Variants in HNF4G observed in about 807,000 individuals in gnomAD.
HNF4G encodes the protein hepatocyte nuclear factor 4-gamma.
A neutral mutation model predicts 50.9 loss-of-function variants in HNF4G; 21 were observed. That is an observed-to-expected ratio of 0.41 (90% confidence interval 0.29 to 0.59). The LOEUF (loss-of-function observed/expected upper bound fraction) is 0.59. Among genes scored for constraint, HNF4G ranks in the 20% least tolerant of loss-of-function variants. The pLI is 0.26. For synonymous variants in HNF4G, 198 were observed against 185.6 expected, an observed-to-expected ratio of 1.07 and a Z score of -0.54; for missense variants, 527 against 559.4, an observed-to-expected ratio of 0.94 and a Z score of 0.58.
chr8:75,522,437 A>C (rs1806069515), intron 2 of HNF4G, among the ~76,000 whole-genome samples: 1 of 152,230 alleles, frequency 6.6e-6, no homozygotes, highest in South Asian at 2.1e-4. Context: ...ACTGAAACAC[A>C]TTATCACAAT....
At chr8:75,554,861 G>A (rs1807067606) in intron 5 of HNF4G, among the ~76,000 whole-genome samples, 1 of 152,146 alleles carries the variant, frequency 6.6e-6, no homozygotes, top group Admixed American at 6.6e-5. Context: ...TTAAACTGAG[G>A]ACCAGAGAAG....
chr8:75,534,575 C>A (rs115729140), intron 2 of HNF4G, among the ~76,000 whole-genome samples: 2 of 151,688 alleles, frequency 1.3e-5, no homozygotes, highest in Non-Finnish European at 3.0e-5. Context: ...TTTTAAATAA[C>A]GTAGTGTTTT....
intron 2 of HNF4G, among the ~76,000 whole-genome samples, chr8:75,503,466 G>T (rs530487864): frequency 7.9e-5 from 12 of 152,294 alleles, no homozygotes; most frequent in African/African-American, 2.6e-4. Flanking sequence ...CTTCCAGTGA[G>T]AGATGTTGTC....
upstream of HNF4G, among the ~76,000 whole-genome samples, chr8:75,535,160 G>A (rs573331999): frequency 2.2e-3 from 331 of 151,866 alleles, 1 homozygote; most frequent in African/African-American, 7.6e-3. Flanking sequence ...CCCATCATAA[G>A]AGGCAATTTC....
At chr8:75,463,816 C>A (rs182943933) in intron 1 of HNF4G, among the ~76,000 whole-genome samples, 2 of 148,594 alleles carry the variant, frequency 1.3e-5, no homozygotes, top group African/African-American at 5.0e-5. Flanking sequence ...TTCTTGTTGC[C>A]CAGGCTGGAG....
chr8:75,509,396 C>A (rs532922135), intron 2 of HNF4G, among the ~76,000 whole-genome samples: 2 of 152,230 alleles, frequency 1.3e-5, no homozygotes, highest in South Asian at 4.2e-4. Context: ...TATATAAAGA[C>A]TGGGGAGACT....
At chr8:75,517,636 G>A (rs1187286112) in intron 2 of HNF4G, among the ~76,000 whole-genome samples, 1 of 152,294 alleles carries the variant, frequency 6.6e-6, no homozygotes, top group Admixed American at 6.5e-5. Context: ...TATACAAGAG[G>A]TGGGTTTCCC....
At chr8:75,508,568 T>G (rs1406694237) in intron 2 of HNF4G, among the ~76,000 whole-genome samples, 1 of 152,196 alleles carries the variant, frequency 6.6e-6, no homozygotes, top group Non-Finnish European at 1.5e-5. Flanking sequence ...TTTCAGCTAG[T>G]AGGTATACAG....
At chr8:75,512,450 C>CTATTACTAT (rs375236302) in intron 2 of HNF4G, among the ~76,000 whole-genome samples, 2 of 146,882 alleles carry the variant, frequency 1.4e-5, no homozygotes, top group African/African-American at 5.0e-5. Context: ...ATTACTATTA[C>CTATTACTAT]TATTATTATT....
chr8:75,493,742 T>C (rs1445059499), intron 2 of HNF4G, among the ~76,000 whole-genome samples: 2 of 152,198 alleles, frequency 1.3e-5, no homozygotes, highest in African/African-American at 4.8e-5. Flanking sequence ...GATAAGCATA[T>C]ATAATTCCTA....
chr8:75,498,200 A>G (rs1051385974), intron 2 of HNF4G, among the ~76,000 whole-genome samples: 1 of 152,162 alleles, frequency 6.6e-6, no homozygotes, highest in Non-Finnish European at 1.5e-5. Context: ...CAAAGCCCAT[A>G]TCCAATTTTT....
intron 2 of HNF4G, among the ~76,000 whole-genome samples, chr8:75,544,335 C>A (rs1480868928): frequency 1.3e-5 from 2 of 152,084 alleles, no homozygotes; most frequent in East Asian, 3.9e-4. Flanking sequence ...CCTTGTGTTT[C>A]TTTATTATTT....
At chr8:75,553,009 TA>T in intron 4 of HNF4G, 32 bp from the exon 5 acceptor site, 1 of 1,515,994 alleles carries the variant, frequency 6.6e-7, no homozygotes, top group Non-Finnish European at 9.0e-7. Context: ...TCTATTATTT[TA>T]AATGATAATA....
intron 5 of HNF4G, among the ~76,000 whole-genome samples, chr8:75,555,557 T>G (rs1265439973): frequency 1.6e-5 from 2 of 127,610 alleles, no homozygotes; most frequent in Non-Finnish European, 3.2e-5. Context: ...TTAGTACTCA[T>G]GAGTACATGA....
chr8:75,464,250 C>A (rs1426077918), intron 1 of HNF4G, among the ~76,000 whole-genome samples: 2 of 147,270 alleles, frequency 1.4e-5, no homozygotes, highest in Non-Finnish European at 3.0e-5. Context: ...TTTTTTTTAA[C>A]TCAATTTTTT....
At chr8:75,460,382 G>A (rs1811814887) in intron 1 of HNF4G, among the ~76,000 whole-genome samples, 1 of 152,124 alleles carries the variant, frequency 6.6e-6, no homozygotes, top group Non-Finnish European at 1.5e-5. Flanking sequence ...AAATAAACTT[G>A]AAAGCCAGCA....
intron 2 of HNF4G, among the ~76,000 whole-genome samples, chr8:75,544,394 G>T (rs970928163): frequency 1.3e-5 from 2 of 151,970 alleles, no homozygotes; most frequent in African/African-American, 4.8e-5. Context: ...GCATTTAAAA[G>T]GTTTTTTAAT....
At chr8:75,524,400 C>T (rs550784484) in intron 2 of HNF4G, among the ~76,000 whole-genome samples, 12 of 152,202 alleles carry the variant, frequency 7.9e-5, no homozygotes, top group African/African-American at 2.9e-4. Flanking sequence ...AACAAAGACT[C>T]AAGAAATCAC....
intron 1 of HNF4G, among the ~76,000 whole-genome samples, chr8:75,488,551 T>A (rs544377474): frequency 2.2e-4 from 34 of 152,290 alleles, no homozygotes; most frequent in African/African-American, 8.2e-4. Context: ...GTGCTGGGAT[T>A]ACAGGCATGA....
Sources: allele counts gnomAD v4.1 joint callset (sites outside exome capture counted in the v4.1 genomes callset), GRCh38; gene constraint gnomAD v4.1.1; transcripts MANE v1.5; gene names NCBI Gene and HGNC (gene_info 2026-07-23, HGNC 2026-07-21).